The following XIRP2 variants were observed in gnomAD, a reference collection of about 807,000 sequenced individuals.
The protein encoded by XIRP2 is xin actin-binding repeat-containing protein 2.
A neutral mutation model predicts 277.0 loss-of-function variants in XIRP2; 236 were observed. That is an observed-to-expected ratio of 0.85 (90% CI 0.77 to 0.95). The LOEUF (loss-of-function observed/expected upper bound fraction) is 0.95. XIRP2 is among the 40% of genes least tolerant of loss of function. The pLI, the probability that XIRP2 is intolerant of heterozygous loss-of-function variation, is 0.00. For missense variants in XIRP2, 4,640 were observed against 4,157.5 expected, an observed-to-expected ratio of 1.12 and a Z score of -3.19; for synonymous variants, 1,490 against 1,416.5, an observed-to-expected ratio of 1.05 and a Z score of -1.17.
rs1686795291 is a variant in XIRP2 at position 166,979,228 on chromosome 2, T to TGA, written c.408+75348_408+75349dup. Among the ~76,000 whole-genome samples, 3 of 152,078 alleles carry TGA rather than the reference T, an allele frequency of 2.0e-5. No individual in the cohort carries two copies. The South Asian group carries it at 6.2e-4, about 32-fold the overall frequency. ...CTTTGAGCTTCTATGAGTACCTGAA[T>TGA]GAGAGAGAGAGCATTTTCAATTGGC... On this transcript the variant is annotated intron_variant, in intron 2 of 10. Transcript: ENST00000409195.
At chr2:166,918,413 T>C (rs1684946774) in intron 2 of XIRP2, among the ~76,000 whole-genome samples, 1 of 152,112 alleles carries the variant, frequency 6.6e-6, no homozygotes. Flanking sequence ...TTTAGTTTAT[T>C]CTGCTTGTGA....
intron 2 of XIRP2, among the ~76,000 whole-genome samples, chr2:167,059,998 C>G (rs1449759170): frequency 2.0e-5 from 3 of 152,104 alleles, no homozygotes; most frequent in African/African-American, 7.2e-5. Flanking sequence ...TGGTGGACAT[C>G]TTAGATCATC....
intron 2 of XIRP2, among the ~76,000 whole-genome samples, chr2:167,103,112 C>T (rs1316374444): frequency 6.6e-6 from 1 of 151,868 alleles, no homozygotes; most frequent in African/African-American, 2.4e-5. Context: ...ACACTCCAGC[C>T]TGGGCTATGG....
rs115799209 is a variant in XIRP2 at position 167,033,104 on chromosome 2, C to T, written c.409-102805C>T. The stretch of plus-strand genomic sequence containing the variant: ...TGTGACACATATACACGATGGAATA[C>T]TATCCTATAAAAAAGGATGAGTTCA... On this transcript the variant is annotated intron_variant, in intron 2 of 10. Coordinates refer to ENST00000409195, the MANE Select transcript of XIRP2 (RefSeq NM_152381.6). Among the ~76,000 whole-genome samples, 932 of 151,146 alleles carry T rather than the reference C, an allele frequency of 6.2e-3. 11 individuals are homozygous for T. The highest frequency in any genetic ancestry group is 0.021 in the African/African-American group (876 of 41,408).
At chr2:166,979,511 A>C (rs1686812142) in intron 2 of XIRP2, among the ~76,000 whole-genome samples, 1 of 150,898 alleles carries the variant, frequency 6.6e-6, no homozygotes, top group African/African-American at 2.4e-5. Context: ...TGCTAAGAGT[A>C]GGGTTTTTTT....
At chr2:166,907,605 C>G (rs570886269) in intron 2 of XIRP2, among the ~76,000 whole-genome samples, 1 of 150,314 alleles carries the variant, frequency 6.7e-6, no homozygotes, top group Non-Finnish European at 1.5e-5. Flanking sequence ...ATGGACAGGT[C>G]ATAGAAGTTT....
intron 2 of XIRP2, among the ~76,000 whole-genome samples, chr2:167,055,271 G>C (rs1689013066): frequency 6.6e-6 from 1 of 152,194 alleles, no homozygotes; most frequent in South Asian, 2.1e-4. Context: ...AAAGTTAGTG[G>C]AGAGTAGGTG....
chr2:167,230,500 T>G (rs1694719546), intron 5 of XIRP2, among the ~76,000 whole-genome samples: 1 of 152,060 alleles, frequency 6.6e-6, no homozygotes, highest in Non-Finnish European at 1.5e-5. Context: ...TATCATCAAG[T>G]CTATATGCTA....
Position 167,251,880 on chromosome 2 carries a change from T to C in XIRP2, c.10488T>C (p.Tyr3496=), listed in dbSNP as rs749057297. ...ESGRVFKGLG[Y]ATADASATEM... ...GAAGAGTTTTTAAAGGCCTGGGATA[T>C]GCAACCGCAGATGCTTCTGCAACTG... is the stretch of plus-strand genomic sequence containing the variant. Residue 3496 remains tyrosine, a synonymous_variant, in exon 9 of 11, where the codon TAT becomes TAC. Coordinates refer to ENST00000409195, the MANE Select transcript of XIRP2 (RefSeq NM_152381.6). The C allele has an allele frequency of 6.8e-6, 11 of 1,606,416 alleles. No individual in the cohort carries two copies. The highest frequency in any genetic ancestry group is 6.7e-5 in the African/African-American group (5 of 74,378).
intron 1 of XIRP2, among the ~76,000 whole-genome samples, chr2:166,893,317 A>G (rs977841469): frequency 6.6e-6 from 1 of 152,114 alleles, no homozygotes; most frequent in Non-Finnish European, 1.5e-5. Flanking sequence ...TCTCTTCAAA[A>G]ATGTAGAAAA....
chr2:167,244,077 GC>G lies in XIRP2; in HGVS notation c.2686del (p.Leu896PhefsTer40). The G allele has an allele frequency of 1.2e-6, 2 of 1,613,866 alleles. No individual in the cohort carries two copies. Among genetic ancestry groups the G allele is most frequent in the South Asian group, 2.2e-5 (2 of 91,074 alleles). On this transcript the variant is annotated frameshift_variant, in exon 9 of 11. Coordinates refer to ENST00000409195, the MANE Select transcript of XIRP2 (RefSeq NM_152381.6). LOFTEE classifies it high-confidence loss of function. Reference sequence around the variant, plus strand: ...TAAAAGACAGTCCTGATATAGGAAAGCTTCAAAAAATCACTGCCTCTGAAGA... The same window carrying G: ...TAAAAGACAGTCCTGATATAGGAAAGTTCAAAAAATCACTGCCTCTGAAGA... ...ALKDSPDIGK[L>X]QKITASEEEK...
At chr2:167,211,330 C>T (rs377156488) in intron 4 of XIRP2, among the ~76,000 whole-genome samples, 49 of 152,018 alleles carry the variant, frequency 3.2e-4, no homozygotes, top group African/African-American at 1.1e-3. Flanking sequence ...CTCTTGACCT[C>T]GTGATCCGCC....
chr2:166,916,884 T>C (rs1263377401), intron 2 of XIRP2, among the ~76,000 whole-genome samples: 1 of 152,158 alleles, frequency 6.6e-6, no homozygotes, highest in Non-Finnish European at 1.5e-5. Flanking sequence ...AGGAGATTAA[T>C]ACACCACCTA....
At chr2:167,175,804 G>A (rs980510641) in intron 3 of XIRP2, among the ~76,000 whole-genome samples, 7 of 152,096 alleles carry the variant, frequency 4.6e-5, no homozygotes, top group African/African-American at 7.2e-5. Flanking sequence ...CCCCTGACTG[G>A]GGCTGCTGCC....
rs1243815684 is a variant in XIRP2, at chr2:167,025,178, G to C, written c.409-110731G>C. Among the ~76,000 whole-genome samples, 16 of 151,958 alleles carry C rather than the reference G, an allele frequency of 1.1e-4. No individual in the cohort carries two copies. The South Asian group carries it at 1.2e-3, about 12-fold the overall frequency. Reference sequence around the variant, plus strand: ...AGATTCAACTTCTTCCTGGTTTAGTGTTGGGAGGGTGTATGTGTCGAGGAA... The same window carrying C: ...AGATTCAACTTCTTCCTGGTTTAGTCTTGGGAGGGTGTATGTGTCGAGGAA... On this transcript the variant is annotated intron_variant, in intron 2 of 10. Transcript: ENST00000409195.
At chr2:167,236,645 A>G (rs1023351081) in intron 5 of XIRP2, among the ~76,000 whole-genome samples, 1 of 152,080 alleles carries the variant, frequency 6.6e-6, no homozygotes, top group African/African-American at 2.4e-5. Flanking sequence ...AGATTATAAC[A>G]TACCTAGTAA....
At chr2:167,172,892 T>C (rs1235497611) in intron 3 of XIRP2, among the ~76,000 whole-genome samples, 1 of 152,114 alleles carries the variant, frequency 6.6e-6, no homozygotes, top group Non-Finnish European at 1.5e-5. Context: ...ATCACAAGAG[T>C]ATTGATTGGG....
intron 2 of XIRP2, among the ~76,000 whole-genome samples, chr2:166,948,477 G>A (rs1161778285): frequency 6.6e-6 from 1 of 152,018 alleles, no homozygotes; most frequent in Non-Finnish European, 1.5e-5. Context: ...AAAGACCCTT[G>A]GAGAAGATAC....
chr2:167,050,701 A>G (rs2105534188), intron 2 of XIRP2, among the ~76,000 whole-genome samples: 1 of 152,164 alleles, frequency 6.6e-6, no homozygotes, highest in South Asian at 2.1e-4. Context: ...CAAGTTATCA[A>G]TAGAACGAGA....
Sources: allele counts gnomAD v4.1 joint callset (sites outside exome capture counted in the v4.1 genomes callset), GRCh38; gene constraint gnomAD v4.1.1; transcripts MANE v1.5; gene names NCBI Gene and HGNC (gene_info 2026-07-23, HGNC 2026-07-21).